The following TTC6 variants were observed in gnomAD, a reference collection of about 807,000 sequenced individuals.
TTC6 encodes tetratricopeptide repeat protein 6.
In TTC6, 172 loss-of-function variants were observed where a neutral mutation model predicts 210.4. That is an observed-to-expected ratio of 0.82 (90% CI 0.72 to 0.93). TTC6 has a LOEUF of 0.93. Ranked by LOEUF, TTC6 falls within the 40% of genes least tolerant of loss-of-function variation. The probability of loss-of-function intolerance (pLI) is 0.00; values close to 1 mark genes in which losing one functional copy is unlikely to be tolerated. For missense variants in TTC6, 2,414 were observed against 2,318.1 expected (o/e 1.04, Z -0.85); for synonymous variants, 804 against 819.6 (o/e 0.98, Z 0.32).
intron 14 of TTC6, among the ~76,000 whole-genome samples, chr14:37,780,213 T>G (rs547485339): frequency 2.6e-5 from 4 of 152,266 alleles, no homozygotes; most frequent in Non-Finnish European, 5.9e-5. Flanking sequence ...TTCTATTTAT[T>G]AGAAAATTAG....
At chr14:37,796,404 C>T (rs774238518) in intron 19 of TTC6, 34 bp downstream of exon 21, 6 of 897,034 alleles carry the variant, frequency 6.7e-6, no homozygotes, top group Middle Eastern at 3.0e-4. Context: ...TTAAGAAATA[C>T]TTCTTTAAAA....
intron 7 of TTC6, among the ~76,000 whole-genome samples, chr14:37,733,880 GTAT>G (rs940157037): frequency 1.3e-5 from 2 of 151,664 alleles, no homozygotes; most frequent in African/African-American, 4.9e-5. Flanking sequence ...CTTCTAACCT[GTAT>G]TATAGGTGAG....
chr14:37,697,677 C>A (rs777018046), intron 4 of TTC6, among the ~76,000 whole-genome samples: 42 of 152,142 alleles, frequency 2.8e-4, no homozygotes, highest in Admixed American at 2.0e-4. Flanking sequence ...ATGAAACAGT[C>A]AAATTGGCAT....
At chr14:37,768,119 G>A (rs200184561) in intron 14 of TTC6, among the ~76,000 whole-genome samples, 24,204 of 150,042 alleles carry the variant, frequency 0.16, 2,063 homozygotes, top group East Asian at 0.33. Context: ...GTAGATATGC[G>A]GCGTTATTTC....
chr14:37,725,918 A>G (rs1019735359), intron 7 of TTC6, among the ~76,000 whole-genome samples: 5 of 152,120 alleles, frequency 3.3e-5, no homozygotes, highest in African/African-American at 1.2e-4. Flanking sequence ...AAGAATGATT[A>G]CTCTCATTTT....
chr14:37,725,308 G>GTGTA (rs1555391382), intron 7 of TTC6, among the ~76,000 whole-genome samples: 1 of 73,398 alleles, frequency 1.4e-5, no homozygotes, highest in East Asian at 3.2e-4. Flanking sequence ...ATGTGTGTGT[G>GTGTA]TGTGTATATA....
chr14:37,632,957 C>T (rs376608969), intron 1 of TTC6, among the ~76,000 whole-genome samples: 5 of 152,172 alleles, frequency 3.3e-5, no homozygotes, highest in Middle Eastern at 3.2e-3. Context: ...GGGCAGACAA[C>T]GCCCCCTCCT....
At chr14:37,745,479 T>A (rs1325042008) in intron 10 of TTC6, among the ~76,000 whole-genome samples, 6 of 152,160 alleles carry the variant, frequency 3.9e-5, no homozygotes, top group Non-Finnish European at 8.8e-5. Context: ...GAGGACAGTT[T>A]CCGAGATTTC....
chr14:37,696,861 T>G, intron 4 of TTC6, 26 bp downstream of exon 6: 1 of 1,101,496 alleles, frequency 9.1e-7, no homozygotes, highest in Non-Finnish European at 1.2e-6. Flanking sequence ...TTATAATTTT[T>G]CTATTGGGAG....
intron 1 of TTC6, among the ~76,000 whole-genome samples, chr14:37,678,280 C>T (rs546121694): frequency 6.6e-6 from 1 of 152,190 alleles, no homozygotes; most frequent in African/African-American, 2.4e-5. Flanking sequence ...TCCTTCTGGC[C>T]TTTATAATGA....
At chr14:37,752,173 G>C (rs79989071) in intron 13 of TTC6, among the ~76,000 whole-genome samples, 1 of 151,872 alleles carries the variant, frequency 6.6e-6, no homozygotes, top group Admixed American at 6.6e-5. Context: ...ATATTCCCCT[G>C]ATTGCAGTAC....
At chr14:37,689,736 T>G (rs186203443) in intron 3 of TTC6, among the ~76,000 whole-genome samples, 169 of 152,056 alleles carry the variant, frequency 1.1e-3, no homozygotes, top group African/African-American at 3.9e-3. Context: ...CCTTCAGACA[T>G]GAAGGAGAAA....
chr14:37,689,605 A>G (rs1000201922), intron 3 of TTC6, among the ~76,000 whole-genome samples: 5 of 152,164 alleles, frequency 3.3e-5, no homozygotes, highest in East Asian at 1.9e-4. Context: ...TAGAGCTCCA[A>G]TATGTCCAGC....
At chr14:37,610,648 T>A (rs1477500015) in intron 2 of TTC6, among the ~76,000 whole-genome samples, 1 of 152,176 alleles carries the variant, frequency 6.6e-6, no homozygotes, top group East Asian at 1.9e-4. Flanking sequence ...AAAAGCAGAA[T>A]GTTAACTAGC....
chr14:37,743,170 A>G (rs1318037424), intron 10 of TTC6, among the ~76,000 whole-genome samples: 1 of 152,228 alleles, frequency 6.6e-6, no homozygotes, highest in East Asian at 1.9e-4. Flanking sequence ...ATGAAAAACC[A>G]TGAACCATAT....
Position 37,682,851 on chromosome 14 carries a change from G to C in TTC6, c.1144G>C (p.Val382Leu), listed in dbSNP as rs943852340. The change falls in exon 3 of 31, where the codon GTA (valine) becomes CTA (leucine). Residue 382 changes from valine (V) to leucine (L), a missense_variant. Val to Leu is a conservative substitution (Grantham distance 32, BLOSUM62 1). Transcript: ENST00000553443. ...GGGACCCTCAGAAGCAGAAAGCATA[G>C]TATTTAAACCTCAGGAAATTTCGCA... is the stretch of plus-strand genomic sequence containing the variant. The C allele has an allele frequency of 3.3e-6, 5 of 1,535,558 alleles. No individual in the cohort carries two copies. In the African/African-American group the frequency reaches 5.5e-5, roughly 17 times the overall value.
chr14:37,687,129 T>C (rs969008707), intron 3 of TTC6, among the ~76,000 whole-genome samples: 3 of 152,074 alleles, frequency 2.0e-5, no homozygotes, highest in African/African-American at 4.8e-5. Flanking sequence ...CCCTGACCCG[T>C]TGGCAGCAGA....
Position 37,651,685 on chromosome 14 carries a change from C to A in TTC6, c.940-28466C>A, listed in dbSNP as rs144663953. ...CCTGTAGTCCCAGCTACTTGGGAGGCTTGAGGCGGGCGGATGCTTGAGGCC... is the reference window on the plus strand; with the variant it reads ...CCTGTAGTCCCAGCTACTTGGGAGGATTGAGGCGGGCGGATGCTTGAGGCC... On this transcript the variant is annotated intron_variant, in intron 1 of 30. Transcript: ENST00000553443. 1.3e-3 allele frequency among the ~76,000 whole-genome samples: 199 copies of A among 151,970 alleles called. 1 individual carries two copies. Among genetic ancestry groups the A allele is most frequent in the African/African-American group, 4.5e-3 (188 of 41,478 alleles).
intron 16 of TTC6, among the ~76,000 whole-genome samples, chr14:37,791,191 G>GAA (rs1257703061): frequency 5.9e-5 from 9 of 152,042 alleles, no homozygotes; most frequent in Non-Finnish European, 5.9e-5. Flanking sequence ...TTAAAATAAT[G>GAA]AAAAAACATT....
Sources: allele counts gnomAD v4.1 joint callset (sites outside exome capture counted in the v4.1 genomes callset), GRCh38; gene constraint gnomAD v4.1.1; transcripts MANE v1.5; gene names NCBI Gene and HGNC (gene_info 2026-07-23, HGNC 2026-07-21).